FOXP4: variants seen among roughly 807,000 people sequenced by gnomAD.
FOXP4 encodes the protein forkhead box P4.
FOXP4 carries 25 observed loss-of-function variants against 82.6 expected under a neutral mutation model. That is an observed-to-expected ratio of 0.30 (90% CI 0.22 to 0.42). The LOEUF (loss-of-function observed/expected upper bound fraction) is 0.42, where lower values mean the gene tolerates loss of function less well. Ranked by LOEUF, FOXP4 falls within the 10% of genes least tolerant of loss-of-function variation. The pLI is 1.00. For synonymous variants in FOXP4, 415 were observed against 388.2 expected (o/e 1.07, Z -0.81); for missense variants, 785 against 900.9 (o/e 0.87, Z 1.65).
At chr6:41,569,583 GT>G (rs959654211) in intron 2 of FOXP4, among the ~76,000 whole-genome samples, 45 of 152,276 alleles carry the variant, frequency 3.0e-4, no homozygotes, top group African/African-American at 1.0e-3. Context: ...GGGAGGGGAG[GT>G]CTTGGGGGCT....
chr6:41,581,742 G>A (rs1169835214), intron 3 of FOXP4, among the ~76,000 whole-genome samples: 2 of 152,252 alleles, frequency 1.3e-5, no homozygotes, highest in Non-Finnish European at 2.9e-5. Flanking sequence ...TGCACACCAT[G>A]TAATCCATCC....
chr6:41,563,218 A>T (rs951107211), intron 1 of FOXP4, among the ~76,000 whole-genome samples: 1 of 152,214 alleles, frequency 6.6e-6, no homozygotes, highest in Non-Finnish European at 1.5e-5. Context: ...CCACAGGAAC[A>T]GGGATGTGGC....
intron 1 of FOXP4, among the ~76,000 whole-genome samples, chr6:41,560,410 C>G (rs1284234997): frequency 6.6e-6 from 1 of 152,248 alleles, no homozygotes; most frequent in African/African-American, 2.4e-5. Flanking sequence ...TTCTGGAGAA[C>G]TGGAAACGAT....
At chr6:41,598,218 T>C (rs1239982350) in intron 16 of FOXP4, among the ~76,000 whole-genome samples, 15 of 142,208 alleles carry the variant, frequency 1.1e-4, no homozygotes, top group Non-Finnish European at 1.9e-4. Flanking sequence ...TCTCTTCTCT[T>C]TTTTTTTTTT....
At chr6:41,556,491 A>AT (rs1168200451) in intron 1 of FOXP4, among the ~76,000 whole-genome samples, 1 of 151,780 alleles carries the variant, frequency 6.6e-6, no homozygotes, top group South Asian at 2.1e-4. Flanking sequence ...CGCCCAGCTA[A>AT]TTTTTTGTAT....
Position 41,600,286 on chromosome 6 carries a change from C to T in FOXP4, c.*1350C>T, listed in dbSNP as rs1767148287. ...CTTCTCCCTGACCCTGGGCTGCTTCCTGGGGGCTCTCCAGACCCCTCTCTA... is the reference window on the plus strand; with the variant it reads ...CTTCTCCCTGACCCTGGGCTGCTTCTTGGGGGCTCTCCAGACCCCTCTCTA... On this transcript the variant is annotated 3_prime_UTR_variant, in exon 17 of 17. Transcript: ENST00000307972. 6.6e-6 allele frequency: 1 copy of T among 152,590 alleles called. No homozygotes were observed. Among genetic ancestry groups the T allele is most frequent in the South Asian group, 2.1e-4 (1 of 4,836 alleles). 9.5% of individuals were successfully genotyped at this position (152,590 alleles called of 1,614,324 possible). A position where few individuals can be genotyped will look rare whatever the true frequency, so the allele number is the denominator to read the frequency against.
At position 41,587,966 on chromosome 6, in the gene FOXP4, C is replaced by T; in HGVS notation, c.977+69C>T. On this transcript the variant is annotated intron_variant, in intron 8 of 16. Coordinates refer to ENST00000307972, the MANE Select transcript of FOXP4 (RefSeq NM_001012426.2). Reference sequence around the variant, plus strand: ...AGGGCCTCTCCCCCAACCCTGCCCACTAGCTTGCCCCTTCTGGGAGCCCTC... The same window carrying T: ...AGGGCCTCTCCCCCAACCCTGCCCATTAGCTTGCCCCTTCTGGGAGCCCTC... The T allele has an allele frequency of 3.7e-6, 3 of 809,976 alleles. No homozygotes were observed. The Admixed American group carries it at 6.1e-5, about 16-fold the overall frequency. 50.2% of individuals were successfully genotyped at this position (809,976 alleles called of 1,614,324 possible).
chr6:41,564,538 C>T (rs1015319110), intron 1 of FOXP4, among the ~76,000 whole-genome samples: 2 of 152,242 alleles, frequency 1.3e-5, no homozygotes, highest in African/African-American at 4.8e-5. Context: ...ATCCCAAACA[C>T]ATACCCTCTC....
intron 1 of FOXP4, among the ~76,000 whole-genome samples, chr6:41,556,355 G>T (rs1180009981): frequency 6.8e-6 from 1 of 147,352 alleles, no homozygotes; most frequent in Non-Finnish European, 1.5e-5. Context: ...ATGGAGTCTC[G>T]CTCTGTTGCC....
At chr6:41,563,179 T>C (rs1439606063) in intron 1 of FOXP4, among the ~76,000 whole-genome samples, 2 of 152,138 alleles carry the variant, frequency 1.3e-5, no homozygotes, top group African/African-American at 2.4e-5. Context: ...ACTGGGACAG[T>C]GACACCCAGA....
chr6:41,589,465 T>C (rs1455342960), intron 9 of FOXP4, among the ~76,000 whole-genome samples: 1 of 151,914 alleles, frequency 6.6e-6, no homozygotes, highest in Non-Finnish European at 1.5e-5. Context: ...CGTGGGTGGG[T>C]AGGAAGAAGC....
chr6:41,583,181 G>C (rs1046933841), intron 3 of FOXP4, among the ~76,000 whole-genome samples: 11 of 152,322 alleles, frequency 7.2e-5, no homozygotes, highest in Admixed American at 3.3e-4. Context: ...TGGGATAGGG[G>C]AGTAAAGCCC....
rs1188652681 is a variant in FOXP4 at position 41,589,787 on chromosome 6, A to G, written c.1082A>G (p.Glu361Gly). The change falls in exon 10 of 17, where the codon GAG becomes GGG. Residue 361 changes from glutamate (E) to glycine (G), a missense_variant. Physicochemically the swap from Glu to Gly is moderately conservative, Grantham distance 98. This residue lies in a region of FOXP4 where 570 missense variants were observed against 634.0 expected (regional missense o/e 0.90). Coordinates refer to ENST00000307972, the MANE Select transcript of FOXP4 (RefSeq NM_001012426.2). ...CCTCCACAGCTCGCCAAGGAGAGCGAGCGGCTGCAGGCCATGATGGCCCAC... is the reference window on the plus strand; with the variant it reads ...CCTCCACAGCTCGCCAAGGAGAGCGGGCGGCTGCAGGCCATGATGGCCCAC... ...QLEIQLAKES[E>G]RLQAMMAHLH... is the part of the protein sequence containing the mutation. 6.2e-7 allele frequency: 1 copy of G among 1,611,172 alleles called. No individual in the cohort carries two copies. Among genetic ancestry groups the G allele is most frequent in the Admixed American group, 1.7e-5 (1 of 60,012 alleles).
chr6:41,559,700 G>A (rs891147083), intron 1 of FOXP4, among the ~76,000 whole-genome samples: 2 of 152,160 alleles, frequency 1.3e-5, no homozygotes, highest in Admixed American at 6.6e-5. Context: ...CATGTTGAAT[G>A]ATTGAATGGC....
rs948859781 is a variant in FOXP4 at position 41,601,833 on chromosome 6, C to T, written c.*2897C>T. On this transcript the variant is annotated 3_prime_UTR_variant, in exon 17 of 17. Coordinates refer to ENST00000307972, the MANE Select transcript of FOXP4 (RefSeq NM_001012426.2). ...CCTCCTTGAGGGCAGAAAGGAGTCC[C>T]AGGCCTGTCCCTAGGGACAAGGCCC... 1 of 152,214 alleles carries T rather than the reference C, an allele frequency of 6.6e-6. No homozygotes were observed. Among genetic ancestry groups the T allele is most frequent in the African/African-American group, 2.4e-5 (1 of 41,426 alleles). The allele number at this position is 152,214 out of a possible 1,614,324, so 9.4% of individuals were successfully genotyped here.
At chr6:41,566,569 TC>T (rs1764892891) in intron 2 of FOXP4, among the ~76,000 whole-genome samples, 2 of 152,164 alleles carry the variant, frequency 1.3e-5, no homozygotes, top group South Asian at 4.2e-4. Context: ...AGTGCAGAGT[TC>T]GGGAGTTTAA....
chr6:41,589,205 A>G (rs1347720920), intron 9 of FOXP4, among the ~76,000 whole-genome samples: 2 of 152,218 alleles, frequency 1.3e-5, no homozygotes, highest in Non-Finnish European at 2.9e-5. Flanking sequence ...CCAAGGGAGT[A>G]TCCCAGCTAC....
chr6:41,590,308 C>T lies in FOXP4; in HGVS notation c.1395C>T (p.Asp465=), dbSNP rs750568794. Residue 465 remains aspartate, a synonymous_variant, in exon 12 of 17, where the codon GAC becomes GAT. Transcript: ENST00000307972. ...AQNHEFYKNA[D]VRPPFTYASL... is the part of the protein sequence containing the mutation. ...ATCATGAGTTCTACAAGAACGCCGA[C>T]GTCCGGCCCCCCTTCACCTACGCCT... is the stretch of plus-strand genomic sequence containing the variant. 2.5e-5 allele frequency: 41 copies of T among 1,613,892 alleles called. No individual in the cohort carries two copies. The highest frequency in any genetic ancestry group is 1.1e-4 in the East Asian group (5 of 44,892).
At chr6:41,563,713 A>G (rs142562603) in intron 1 of FOXP4, among the ~76,000 whole-genome samples, 112 of 152,320 alleles carry the variant, frequency 7.4e-4, no homozygotes, top group African/African-American at 2.1e-3. Flanking sequence ...GTCAGGTGCC[A>G]TGTGCATGTT....
Sources: gnomAD v4.1 joint callset for allele counts (sites outside exome capture counted in the v4.1 genomes callset) on GRCh38, gnomAD v4.1.1 for gene constraint, gnomAD v4.1.1 regional missense constraint, MANE v1.5 for transcripts, NCBI Gene and HGNC (gene_info 2026-07-23, HGNC 2026-07-21) for gene names.